BICC1: variants seen among roughly 807,000 people sequenced by gnomAD.
BICC1 encodes the protein BicC family RNA binding protein 1.
A neutral mutation model predicts 111.0 loss-of-function variants in BICC1; 43 were observed. That is an observed-to-expected ratio of 0.39 (90% confidence interval 0.30 to 0.50). The LOEUF (loss-of-function observed/expected upper bound fraction) is 0.50, where lower values mean the gene tolerates loss of function less well. BICC1 is among the 20% of genes least tolerant of loss of function. The probability of loss-of-function intolerance (pLI) is 0.88; values close to 1 mark genes in which losing one functional copy is unlikely to be tolerated. For synonymous variants in BICC1, 467 were observed against 434.4 expected, an observed-to-expected ratio of 1.07 and a Z score of -0.93; for missense variants, 1,091 against 1,203.2, an observed-to-expected ratio of 0.91 and a Z score of 1.38.
chr10:58,736,907 T>C (rs1052755850), intron 3 of BICC1, among the ~76,000 whole-genome samples: 8 of 152,082 alleles, frequency 5.3e-5, no homozygotes, highest in Non-Finnish European at 1.2e-4. Flanking sequence ...ATTGAACAAA[T>C]AAAGAAAATA....
At chr10:58,547,892 C>A (rs1166327555) in intron 1 of BICC1, among the ~76,000 whole-genome samples, 2 of 152,034 alleles carry the variant, frequency 1.3e-5, no homozygotes. Flanking sequence ...TGTATATTCC[C>A]TGCTCCAGTG....
intron 3 of BICC1, among the ~76,000 whole-genome samples, chr10:58,719,870 C>G (rs937902875): frequency 2.6e-5 from 4 of 152,166 alleles, no homozygotes; most frequent in Admixed American, 2.6e-4. Context: ...TGGCAGCTGA[C>G]AGGCCACATA....
intron 2 of BICC1, among the ~76,000 whole-genome samples, chr10:58,629,002 A>G (rs1367572371): frequency 6.6e-6 from 1 of 152,208 alleles, no homozygotes; most frequent in Non-Finnish European, 1.5e-5. Flanking sequence ...AGACTGTGAA[A>G]GTGTGGAAAG....
intron 1 of BICC1, among the ~76,000 whole-genome samples, chr10:58,598,995 A>C (rs1043960663): frequency 1.3e-5 from 2 of 152,242 alleles, no homozygotes; most frequent in Non-Finnish European, 2.9e-5. Flanking sequence ...TTAAAAAGTC[A>C]GGCAACAACA....
At chr10:58,804,160 G>A (rs540565666) in intron 15 of BICC1, among the ~76,000 whole-genome samples, 11 of 152,150 alleles carry the variant, frequency 7.2e-5, no homozygotes, top group African/African-American at 2.7e-4. Flanking sequence ...ATTTTCCTAA[G>A]TTTTTCGATG....
At position 58,770,990 on chromosome 10, in the gene BICC1, A is replaced by T. The variant is rs185548851; in HGVS notation, c.308-14011A>T. ...TTATGGAGTATTTACTGTGTCAAAG[A>T]CACTGCTAAGCCCATTATGTTATCT... On this transcript the variant is annotated intron_variant, in intron 3 of 20. Coordinates refer to ENST00000373886, the MANE Select transcript of BICC1 (RefSeq NM_001080512.3). Among the ~76,000 whole-genome samples the T allele has an allele frequency of 1.3e-4, 20 of 152,354 alleles. No homozygotes were observed. The East Asian group carries it at 3.9e-3, about 29-fold the overall frequency.
In BICC1 at chr10:58,694,346, C is replaced by G. The variant is rs1370166221; in HGVS notation, c.238-7728C>G. On this transcript the variant is annotated intron_variant, in intron 2 of 20. Coordinates refer to ENST00000373886, the MANE Select transcript of BICC1 (RefSeq NM_001080512.3). Reference sequence around the variant, plus strand: ...TGATAACAGCCATGTCGTGAGCAGTCACCAACAAACTTCAGAAGAGAAATG... The same window carrying G: ...TGATAACAGCCATGTCGTGAGCAGTGACCAACAAACTTCAGAAGAGAAATG... Among the ~76,000 whole-genome samples, 4 of 152,286 alleles carry G rather than the reference C, an allele frequency of 2.6e-5. No homozygotes were observed. In the East Asian group the frequency reaches 7.7e-4, roughly 29 times the overall value.
chr10:58,652,378 G>A (rs1333431952), intron 2 of BICC1, among the ~76,000 whole-genome samples: 1 of 152,062 alleles, frequency 6.6e-6, no homozygotes, highest in Non-Finnish European at 1.5e-5. Flanking sequence ...CACAGTGTCT[G>A]GGGCTCTAGA....
At chr10:58,553,459 T>G (rs896579088) in intron 1 of BICC1, among the ~76,000 whole-genome samples, 1 of 152,274 alleles carries the variant, frequency 6.6e-6, no homozygotes, top group East Asian at 1.9e-4. Flanking sequence ...GATTATCCTC[T>G]AGAGTTTCCA....
chr10:58,521,880 A>G (rs1045550972), intron 1 of BICC1, among the ~76,000 whole-genome samples: 2 of 140,964 alleles, frequency 1.4e-5, no homozygotes, highest in Admixed American at 1.7e-4. Flanking sequence ...CAGGATTGGC[A>G]TTTTGGAAAG....
intron 1 of BICC1, among the ~76,000 whole-genome samples, chr10:58,593,264 C>G (rs1844694589): frequency 6.6e-6 from 1 of 152,164 alleles, no homozygotes; most frequent in Non-Finnish European, 1.5e-5. Context: ...GATAAAACCC[C>G]CATCTCCCTG....
chr10:58,740,982 G>A (rs999657410), intron 3 of BICC1, among the ~76,000 whole-genome samples: 4 of 152,216 alleles, frequency 2.6e-5, no homozygotes, highest in Non-Finnish European at 5.9e-5. Flanking sequence ...CAATGTGAAC[G>A]CTGTCCCTGG....
At chr10:58,657,782 C>A (rs1296742784) in intron 2 of BICC1, among the ~76,000 whole-genome samples, 1 of 141,084 alleles carries the variant, frequency 7.1e-6, no homozygotes, top group Non-Finnish European at 1.5e-5. Flanking sequence ...GAAACTTATT[C>A]CAATTGATAT....
intron 2 of BICC1, among the ~76,000 whole-genome samples, chr10:58,664,152 G>A (rs1174583021): frequency 4.3e-4 from 66 of 152,152 alleles, no homozygotes; most frequent in Admixed American, 4.2e-3. Flanking sequence ...ATTTTCTAAA[G>A]TAGCTATGCC....
At chr10:58,633,763 A>T (rs1002213031) in intron 2 of BICC1, among the ~76,000 whole-genome samples, 64 of 152,176 alleles carry the variant, frequency 4.2e-4, no homozygotes, top group Admixed American at 4.0e-3. Flanking sequence ...GAGACAAATG[A>T]TTCAAATTTT....
intron 1 of BICC1, among the ~76,000 whole-genome samples, chr10:58,533,420 A>G (rs934552064): frequency 3.3e-5 from 5 of 151,888 alleles, no homozygotes; most frequent in African/African-American, 1.2e-4. Flanking sequence ...GGTTGATACA[A>G]TCACTTACAA....
intron 1 of BICC1, among the ~76,000 whole-genome samples, chr10:58,581,852 A>G (rs909177008): frequency 6.6e-6 from 1 of 152,128 alleles, no homozygotes; most frequent in African/African-American, 2.4e-5. Context: ...AATACTTAAA[A>G]GTATATTAGT....
chr10:58,646,461 A>G (rs1004350825), intron 2 of BICC1, among the ~76,000 whole-genome samples: 1 of 152,210 alleles, frequency 6.6e-6, no homozygotes, highest in Non-Finnish European at 1.5e-5. Context: ...ACTATCATAT[A>G]TTCTTTAAAA....
intron 1 of BICC1, among the ~76,000 whole-genome samples, chr10:58,514,688 T>C (rs576560335): frequency 3.3e-5 from 5 of 152,276 alleles, no homozygotes; most frequent in Admixed American, 3.3e-4. Context: ...TCTCTTTTTT[T>C]CTCAAATTAT....
Sources: allele counts gnomAD v4.1 joint callset (sites outside exome capture counted in the v4.1 genomes callset), GRCh38; gene constraint gnomAD v4.1.1; transcripts MANE v1.5; gene names NCBI Gene and HGNC (gene_info 2026-07-23, HGNC 2026-07-21).